ARHGEF17: variants seen among roughly 807,000 people sequenced by gnomAD.
The protein encoded by ARHGEF17 is 164 kDa Rho-specific guanine-nucleotide exchange factor.
Under a neutral mutation model 174.0 loss-of-function variants are expected in ARHGEF17, and 80 were observed. The observed-to-expected ratio is 0.46, with a 90% CI of 0.38 to 0.55. The LOEUF is 0.55. Among genes scored for constraint, ARHGEF17 ranks in the 20% least tolerant of loss-of-function variants. The probability of loss-of-function intolerance (pLI) is 0.00; values close to 1 mark genes in which losing one functional copy is unlikely to be tolerated. For synonymous variants in ARHGEF17, 1,311 were observed against 1,189.1 expected (o/e 1.10, Z -2.11); for missense variants, 2,886 against 2,839.7 (o/e 1.02, Z -0.37).
At chr11:73,337,267 G>A (rs1865300461) in intron 1 of ARHGEF17, among the ~76,000 whole-genome samples, 1 of 152,068 alleles carries the variant, frequency 6.6e-6, no homozygotes, top group Non-Finnish European at 1.5e-5. Context: ...AATTAGCTGG[G>A]CGTGGTGGTG....
chr11:73,332,718 G>A (rs76094572), intron 1 of ARHGEF17, among the ~76,000 whole-genome samples: 4,690 of 152,044 alleles, frequency 0.031, 98 homozygotes, highest in Middle Eastern at 0.058. Context: ...CCTGGGGGGC[G>A]GGAATCCTGT....
intron 1 of ARHGEF17, among the ~76,000 whole-genome samples, chr11:73,332,350 CGTGTGTGTGTGTGTGTGTGTGTGTGTGT>C (rs58725771): frequency 1.6e-4 from 19 of 120,658 alleles, no homozygotes; most frequent in South Asian, 3.2e-4. Flanking sequence ...GCTTTTTCTC[CGTGTGTGTGTGTGTGTGTGTGTGTGTGT>C]GTGTGTGTGT....
chr11:73,323,996 TC>T (rs1417855361), intron 1 of ARHGEF17, among the ~76,000 whole-genome samples: 1 of 152,184 alleles, frequency 6.6e-6, no homozygotes, highest in Non-Finnish European at 1.5e-5. Flanking sequence ...TTGCTCCTCT[TC>T]CTGTCTCTCA....
In ARHGEF17 at chr11:73,360,450, C is replaced by G; in HGVS notation, c.4337C>G (p.Thr1446Ser). Residue 1446 changes from threonine to serine, a missense_variant, in exon 11 of 21, where the codon ACC (threonine) becomes AGC (serine). Thr to Ser is a moderately conservative substitution (Grantham distance 58). Transcript: ENST00000263674. ...CTGTGCGCCACTCGGCCCGAGGGCA[C>G]CGACTCCTACATTTTTGAGTTCCCT... ...LELCATRPEG[T>S]DSYIFEFPHP... 1.2e-6 allele frequency: 2 copies of G among 1,614,086 alleles called. No homozygotes were observed. The highest frequency in any genetic ancestry group is 1.7e-6 in the Non-Finnish European group (2 of 1,180,056).
intron 1 of ARHGEF17, among the ~76,000 whole-genome samples, chr11:73,329,480 A>C (rs980937458): frequency 1.4e-5 from 2 of 147,618 alleles, no homozygotes; most frequent in African/African-American, 5.0e-5. Context: ...GCTCACTGCA[A>C]CCTCTGCCTC....
chr11:73,351,193 C>A (rs1371298958), intron 2 of ARHGEF17, among the ~76,000 whole-genome samples: 1 of 152,230 alleles, frequency 6.6e-6, no homozygotes, highest in African/African-American at 2.4e-5. Context: ...TTTTCAGAAT[C>A]CCCAGCCAAG....
intron 1 of ARHGEF17, among the ~76,000 whole-genome samples, chr11:73,333,948 A>C (rs1177011638): frequency 6.6e-6 from 1 of 152,216 alleles, no homozygotes; most frequent in Non-Finnish European, 1.5e-5. Context: ...TTCTAAACTA[A>C]TCAGTGCACA....
At chr11:73,331,118 G>A (rs1865196607) in intron 1 of ARHGEF17, among the ~76,000 whole-genome samples, 1 of 152,190 alleles carries the variant, frequency 6.6e-6, no homozygotes, top group Admixed American at 6.5e-5. Context: ...AGAAGCCAGA[G>A]TGGACAGACC....
chr11:73,359,812 C>A, intron 9 of ARHGEF17, 22 bp from the exon 10 acceptor site: 1 of 1,563,456 alleles, frequency 6.4e-7, no homozygotes, highest in Non-Finnish European at 8.7e-7. Context: ...TATCAGTCCA[C>A]GGCCTTCCTC....
chr11:73,309,313 C>A lies in ARHGEF17; in HGVS notation c.675C>A (p.Ala225=). 3 of 1,606,208 alleles carry A rather than the reference C, an allele frequency of 1.9e-6. No homozygotes were observed. The highest frequency in any genetic ancestry group is 2.5e-6 in the Non-Finnish European group (3 of 1,179,096). Residue 225 remains alanine (A), a synonymous_variant, in exon 1 of 21, where the codon GCC becomes GCA. Transcript: ENST00000263674. ...GGCATATCTTCTCCCAACCGCAGGC[C>A]GGGGCCCGGGCCTCCTGCTCCTCCT... The part of the protein sequence containing the change: ...HSWHIFSQPQ[A]GARASCSSSS...
In ARHGEF17 at chr11:73,365,267, A is replaced by C. The variant is rs1216215841; in HGVS notation, c.5551-123A>C. 1 of 1,112,126 alleles carries C rather than the reference A, an allele frequency of 9.0e-7. No homozygotes were observed. Among genetic ancestry groups the C allele is most frequent in the Non-Finnish European group, 1.3e-6 (1 of 775,174 alleles). 68.9% of individuals were successfully genotyped at this position (1,112,126 alleles called of 1,614,324 possible). A position where few individuals can be genotyped will look rare whatever the true frequency, so the allele number is the denominator to read the frequency against. On this transcript the variant is annotated intron_variant, in intron 18 of 20. Transcript: ENST00000263674. The surrounding 1 kb of genome is among the most constrained non-coding windows in gnomAD (Gnocchi z 4.9). ...TGGTGAAACCAAGCTTCGAAAGGTT[A>C]ATCAGACCAAGGACCAACGCTAGTG...
intron 1 of ARHGEF17, among the ~76,000 whole-genome samples, chr11:73,324,149 G>C (rs765309598): frequency 1.3e-5 from 2 of 152,282 alleles, no homozygotes; most frequent in Non-Finnish European, 2.9e-5. Context: ...AACCGCCTCT[G>C]TCCCAGGATA....
At position 73,309,185 on chromosome 11, in the gene ARHGEF17, C is replaced by A; in HGVS notation, c.547C>A (p.Arg183Ser). ...PRTCFPLAGLRSARPLTGPET... is the reference protein window; with the variant it reads ...PRTCFPLAGLSSARPLTGPET... ...GACATGCTTCCCCCTGGCGGGTCTG[C>A]GTTCGGCGCGGCCCCTGACCGGGCC... is the stretch of plus-strand genomic sequence containing the variant. Residue 183 changes from arginine to serine, a missense_variant, in exon 1 of 21, where the codon CGT becomes AGT. Arg to Ser is a moderately radical substitution (Grantham distance 110, BLOSUM62 -1). This residue lies in a region of ARHGEF17 where 1,728 missense variants were observed against 1,461.2 expected (regional missense o/e 1.18). Coordinates refer to ENST00000263674, the MANE Select transcript of ARHGEF17 (RefSeq NM_014786.4). The A allele has an allele frequency of 6.3e-7, 1 of 1,588,952 alleles. No individual in the cohort carries two copies. Among genetic ancestry groups the A allele is most frequent in the Non-Finnish European group, 8.6e-7 (1 of 1,167,512 alleles).
Position 73,308,436 on chromosome 11 carries a change from CG to C in ARHGEF17, c.-202del. 2.1e-6 allele frequency: 1 copy of C among 473,140 alleles called. No homozygotes were observed. Among genetic ancestry groups the C allele is most frequent in the Non-Finnish European group, 3.5e-6 (1 of 287,640 alleles). 29.3% of individuals were successfully genotyped at this position (473,140 alleles called of 1,614,324 possible). ...GGGTCGGCGCTGAGGCGGGAGGGGC[CG>C]CCCGGGATGGAGACGTTGCGGCCGG... On this transcript the variant is annotated 5_prime_UTR_variant, in exon 1 of 21. Coordinates refer to ENST00000263674, the MANE Select transcript of ARHGEF17 (RefSeq NM_014786.4).
intron 1 of ARHGEF17, among the ~76,000 whole-genome samples, chr11:73,333,305 C>T (rs1168535610): frequency 2.0e-5 from 3 of 152,232 alleles, no homozygotes; most frequent in Non-Finnish European, 4.4e-5. Flanking sequence ...AGAGTATACC[C>T]TGGGTTTGGC....
rs1411687176 is a variant in ARHGEF17, at chr11:73,309,339, C to T, written c.701C>T (p.Ser234Phe). The T allele has an allele frequency of 2.5e-6, 4 of 1,610,452 alleles. No homozygotes were observed. The highest frequency in any genetic ancestry group is 1.1e-5 in the South Asian group (1 of 90,960). Residue 234 changes from serine (S) to phenylalanine (F), a missense_variant, in exon 1 of 21, where the codon TCC (serine) becomes TTC (phenylalanine). Coordinates refer to ENST00000263674, the MANE Select transcript of ARHGEF17 (RefSeq NM_014786.4). Reference protein sequence around the residue: ...QAGARASCSSSSIAASYPVSR... With the variant: ...QAGARASCSSFSIAASYPVSR... Reference sequence around the variant, plus strand: ...GGGGCCCGGGCCTCCTGCTCCTCCTCCTCCATCGCCGCCTCCTATCCTGTC... The same window carrying T: ...GGGGCCCGGGCCTCCTGCTCCTCCTTCTCCATCGCCGCCTCCTATCCTGTC...
At chr11:73,355,696 C>A in intron 4 of ARHGEF17, 47 bp downstream of exon 4, 1 of 1,591,554 alleles carries the variant, frequency 6.3e-7, no homozygotes, top group Non-Finnish European at 8.6e-7. Flanking sequence ...TCACCTTGGG[C>A]CAGCTTTGAG....
chr11:73,356,656 G>A, intron 6 of ARHGEF17, 53 bp from the exon 7 acceptor site: 2 of 1,609,424 alleles, frequency 1.2e-6, no homozygotes, highest in South Asian at 2.2e-5. Context: ...TTTTTGGAGG[G>A]GATAGGGATT....
At chr11:73,347,739 G>T (rs1865488347) in intron 2 of ARHGEF17, among the ~76,000 whole-genome samples, 1 of 152,232 alleles carries the variant, frequency 6.6e-6, no homozygotes. Context: ...AGCAGGGGAG[G>T]TGTGTGGCCT....
Sources: gnomAD v4.1 joint callset for allele counts (sites outside exome capture counted in the v4.1 genomes callset) on GRCh38, gnomAD v4.1.1 for gene constraint, gnomAD v4.1.1 regional missense constraint, Gnocchi (gnomAD v3.1) non-coding constraint, MANE v1.5 for transcripts, NCBI Gene and HGNC (gene_info 2026-07-23, HGNC 2026-07-21) for gene names.